Variants in MCTP1 observed in about 807,000 individuals in gnomAD.
The protein encoded by MCTP1 is multiple C2 and transmembrane domain containing 1, also known as multiple C2 and transmembrane domain-containing protein 1.
MCTP1 carries 69 observed loss-of-function variants against 120.6 expected under a neutral mutation model. The observed-to-expected ratio is 0.57, with a 90% CI of 0.47 to 0.70. The LOEUF is 0.70. MCTP1 is among the 30% of genes least tolerant of loss of function. The pLI is 0.00. For synonymous variants in MCTP1, 529 were observed against 493.1 expected (o/e 1.07, Z -0.96); for missense variants, 1,203 against 1,248.8 (o/e 0.96, Z 0.55).
Position 94,909,341 on chromosome 5 carries a change from A to G in MCTP1, c.1562T>C (p.Phe521Ser), listed in dbSNP as rs1484344201. 1.9e-6 allele frequency: 3 copies of G among 1,609,152 alleles called. No individual in the cohort carries two copies. Among genetic ancestry groups the G allele is most frequent in the Non-Finnish European group, 2.5e-6 (3 of 1,178,084 alleles). The change falls in exon 10 of 23, where the codon TTT becomes TCT. Residue 521 changes from phenylalanine to serine, a missense_variant. Phe to Ser is a radical substitution (Grantham distance 155). Coordinates refer to ENST00000515393, the MANE Select transcript of MCTP1 (RefSeq NM_024717.7). Reference protein sequence around the residue: ...KTLNPQWREQFDFHLYEERGG... With the variant: ...KTLNPQWREQSDFHLYEERGG... ...TCTTTCTTCATAAAGGTGAAAATCA[A>G]ATTGTTCCCTCCACTGAGGATTCAA...
intron 17 of MCTP1, among the ~76,000 whole-genome samples, chr5:94,813,056 G>A (rs1201375338): frequency 2.6e-5 from 4 of 152,056 alleles, no homozygotes; most frequent in African/African-American, 9.7e-5. Flanking sequence ...CACACATCGA[G>A]AGAAAATAAT....
intron 18 of MCTP1, among the ~76,000 whole-genome samples, chr5:94,791,523 A>ACACT (rs1778970994): frequency 6.6e-6 from 1 of 152,030 alleles, no homozygotes; most frequent in South Asian, 2.1e-4. Flanking sequence ...ACACACTCAT[A>ACACT]TAGTGAAAAT....
At chr5:94,712,778 G>A (rs1156554778) in intron 20 of MCTP1, among the ~76,000 whole-genome samples, 2 of 151,696 alleles carry the variant, frequency 1.3e-5, no homozygotes, top group African/African-American at 2.4e-5. Flanking sequence ...TGCTTGTGGA[G>A]AGAACAGAAG....
intron 2 of MCTP1, among the ~76,000 whole-genome samples, chr5:94,987,276 G>A (rs983519423): frequency 6.6e-6 from 1 of 151,972 alleles, no homozygotes; most frequent in African/African-American, 2.4e-5. Context: ...TAATTAACAT[G>A]ATTGCCACCT....
At chr5:95,098,124 T>C (rs149352163) in intron 1 of MCTP1, among the ~76,000 whole-genome samples, 1 of 152,306 alleles carries the variant, frequency 6.6e-6, no homozygotes, top group African/African-American at 2.4e-5. Context: ...TAAAATAATA[T>C]AATAAATGAA....
At chr5:95,219,223 A>G (rs528701674) in intron 1 of MCTP1, among the ~76,000 whole-genome samples, 43 of 152,128 alleles carry the variant, frequency 2.8e-4, no homozygotes, top group Admixed American at 1.4e-3. Context: ...CTACTAAAAA[A>G]TACAAAAAAT....
chr5:95,173,902 T>C (rs1030536490), intron 1 of MCTP1, among the ~76,000 whole-genome samples: 2 of 148,764 alleles, frequency 1.3e-5, no homozygotes, highest in East Asian at 3.9e-4. Flanking sequence ...GAAAGAGTAA[T>C]TGGAAATTAA....
intron 17 of MCTP1, among the ~76,000 whole-genome samples, chr5:94,812,416 A>G (rs574359062): frequency 6.6e-6 from 1 of 150,964 alleles, no homozygotes; most frequent in South Asian, 2.1e-4. Context: ...GTAAACATGA[A>G]CCAAAAGGTG....
chr5:95,138,729 G>A (rs964160219), intron 1 of MCTP1, among the ~76,000 whole-genome samples: 18 of 152,068 alleles, frequency 1.2e-4, no homozygotes, highest in African/African-American at 4.3e-4. Context: ...TCCCTCTCTG[G>A]ATTCCTTATC....
chr5:95,010,043 T>C (rs374315425), intron 2 of MCTP1, among the ~76,000 whole-genome samples: 3 of 152,132 alleles, frequency 2.0e-5, no homozygotes, highest in African/African-American at 7.2e-5. Context: ...AAGGGTGATA[T>C]GAGACATAGG....
Position 95,284,484 on chromosome 5 carries a change from C to A in MCTP1, c.92G>T (p.Gly31Val). ...QARLWKNLQL[G>V]VGRSKGGGGG... ...CCCGCCGCCCTTGCTCCTGCCCACC[C>A]CCAGCTGCAGGTTCTTCCAGAGCCG... The change falls in exon 1 of 23, where the codon GGG becomes GTG. Residue 31 changes from glycine to valine, a missense_variant. Gly to Val is a moderately radical substitution (Grantham distance 109). This residue lies in a region of MCTP1 where 463 missense variants were observed against 377.8 expected (regional missense o/e 1.23). Transcript: ENST00000515393. This position sits in a 1 kb window ranked among gnomAD's most constrained non-coding sequence, Gnocchi z 5.2. The A allele has an allele frequency of 6.6e-7, 1 of 1,513,640 alleles. No homozygotes were observed. 93.8% of individuals were successfully genotyped at this position (1,513,640 alleles called of 1,614,324 possible). A position where few individuals can be genotyped will look rare whatever the true frequency, so the allele number is the denominator to read the frequency against.
chr5:94,876,753 G>A (rs778952573), intron 12 of MCTP1, among the ~76,000 whole-genome samples: 5 of 151,956 alleles, frequency 3.3e-5, no homozygotes, highest in East Asian at 1.9e-4. Flanking sequence ...TTGAGGGCAG[G>A]GGCTGTGGGA....
At chr5:94,931,698 T>G in intron 6 of MCTP1, 3 of 410,722 alleles carry the variant, frequency 7.3e-6, no homozygotes, top group South Asian at 4.9e-5. Flanking sequence ...CCCTGTTGCA[T>G]ATATAGTTGA....
intron 1 of MCTP1, among the ~76,000 whole-genome samples, chr5:95,036,364 C>T (rs1841292490): frequency 6.6e-6 from 1 of 152,118 alleles, no homozygotes; most frequent in South Asian, 2.1e-4. Flanking sequence ...TGATGCTAAA[C>T]ATTTGGGATT....
chr5:95,166,555 C>T (rs184849026), intron 1 of MCTP1, among the ~76,000 whole-genome samples: 18 of 147,200 alleles, frequency 1.2e-4, no homozygotes, highest in Admixed American at 2.2e-4. Flanking sequence ...TATTTACCAC[C>T]CTAATTTTAA....
At chr5:94,823,787 T>G (rs1191893864) in intron 17 of MCTP1, among the ~76,000 whole-genome samples, 1 of 152,208 alleles carries the variant, frequency 6.6e-6, no homozygotes, top group Non-Finnish European at 1.5e-5. Context: ...TTCCTAGGTA[T>G]TTGATTCTCT....
intron 1 of MCTP1, among the ~76,000 whole-genome samples, chr5:95,171,844 G>A (rs948087463): frequency 1.3e-5 from 2 of 151,226 alleles, no homozygotes; most frequent in African/African-American, 2.4e-5. Context: ...GCTTCTTTGC[G>A]ATGGGTTTCA....
Position 94,917,975 on chromosome 5 carries a change from T to C in MCTP1, c.1273-2A>G, listed in dbSNP as rs768392338. On this transcript the variant is annotated splice_acceptor_variant, in intron 7 of 22. Transcript: ENST00000515393. LOFTEE classifies it high-confidence loss of function. ...AGGAAGAGCTGGCCTGCCGCACGTCTGGATGGAAATGAATGATCAGAGCTG... is the reference window on the plus strand; with the variant it reads ...AGGAAGAGCTGGCCTGCCGCACGTCCGGATGGAAATGAATGATCAGAGCTG... 4.3e-6 allele frequency: 7 copies of C among 1,613,106 alleles called. No individual in the cohort carries two copies. In the Middle Eastern group the frequency reaches 4.9e-4, roughly 114 times the overall value.
Position 95,112,717 on chromosome 5 carries a change from A to C in MCTP1, c.721-95233T>G, listed in dbSNP as rs141046331. Among the ~76,000 whole-genome samples, 11 of 152,324 alleles carry C rather than the reference A, an allele frequency of 7.2e-5. No individual in the cohort carries two copies. In the East Asian group the frequency reaches 2.1e-3, roughly 29 times the overall value. On this transcript the variant is annotated intron_variant, in intron 1 of 22. Coordinates refer to ENST00000515393, the MANE Select transcript of MCTP1 (RefSeq NM_024717.7). ...TTAATTGTAAGATAGCAAAAATTTT[A>C]AGAAGTATTTTAATTTTTGAAATGT...
Sources: allele counts gnomAD v4.1 joint callset (sites outside exome capture counted in the v4.1 genomes callset), GRCh38; gene constraint gnomAD v4.1.1; regional missense constraint gnomAD v4.1.1; non-coding constraint Gnocchi (gnomAD v3.1); transcripts MANE v1.5; gene names NCBI Gene and HGNC (gene_info 2026-07-23, HGNC 2026-07-21).